The following CLSTN2 variants were observed in gnomAD, a reference collection of about 807,000 sequenced individuals.
The protein encoded by CLSTN2 is calsyntenin 2, also known as calsyntenin-2.
CLSTN2 carries 48 observed loss-of-function variants against 101.2 expected under a neutral mutation model. The observed-to-expected ratio is 0.47, with a 90% CI of 0.38 to 0.60. The LOEUF is 0.60. Ranked by LOEUF, CLSTN2 falls within the 20% of genes least tolerant of loss-of-function variation. CLSTN2 has a pLI of 0.00. For synonymous variants in CLSTN2, 481 were observed against 463.6 expected (o/e 1.04, Z -0.48); for missense variants, 1,160 against 1,238.2 (o/e 0.94, Z 0.95).
intron 2 of CLSTN2, among the ~76,000 whole-genome samples, chr3:140,254,492 GA>G (rs377543419): frequency 1.8e-3 from 279 of 152,278 alleles, no homozygotes; most frequent in African/African-American, 6.6e-3. Flanking sequence ...GAAACTTAGA[GA>G]TTTTTAACAA....
intron 1 of CLSTN2, among the ~76,000 whole-genome samples, chr3:140,123,241 G>A (rs1427253489): frequency 1.3e-5 from 2 of 151,946 alleles, no homozygotes; most frequent in East Asian, 3.9e-4. Context: ...GGGCCCAGTT[G>A]ATTCATTCTA....
intron 2 of CLSTN2, among the ~76,000 whole-genome samples, chr3:140,284,257 T>C (rs1306326828): frequency 2.6e-5 from 4 of 152,124 alleles, no homozygotes; most frequent in African/African-American, 9.7e-5. Context: ...TTTTAAAAAA[T>C]ACAAGAACAA....
chr3:140,251,210 G>A (rs1447292868), intron 2 of CLSTN2, among the ~76,000 whole-genome samples: 1 of 152,156 alleles, frequency 6.6e-6, no homozygotes, highest in Non-Finnish European at 1.5e-5. Flanking sequence ...GATGTTGCCA[G>A]ATAGTGACTT....
At chr3:140,274,894 C>T (rs373626219) in intron 2 of CLSTN2, among the ~76,000 whole-genome samples, 1 of 152,226 alleles carries the variant, frequency 6.6e-6, no homozygotes, top group Admixed American at 6.5e-5. Context: ...ACAGCCACTT[C>T]TGGCGAGCAT....
At chr3:140,115,686 A>G (rs1488799237) in intron 1 of CLSTN2, among the ~76,000 whole-genome samples, 2 of 152,190 alleles carry the variant, frequency 1.3e-5, no homozygotes, top group African/African-American at 4.8e-5. Context: ...GAAAGCACCA[A>G]AGCCATGTCC....
At chr3:140,107,657 T>A (rs1878978) in intron 1 of CLSTN2, among the ~76,000 whole-genome samples, 2 of 151,966 alleles carry the variant, frequency 1.3e-5, no homozygotes, top group Admixed American at 6.5e-5. Context: ...AGTAGCTCCC[T>A]CTTCATGTGC....
At chr3:140,453,822 A>G (rs368436697) in intron 6 of CLSTN2, among the ~76,000 whole-genome samples, 23 of 152,170 alleles carry the variant, frequency 1.5e-4, no homozygotes, top group African/African-American at 5.5e-4. Flanking sequence ...TTATAATGCA[A>G]TTTTTTTTAG....
chr3:139,948,351 G>T (rs920038794), intron 1 of CLSTN2, among the ~76,000 whole-genome samples: 2 of 152,030 alleles, frequency 1.3e-5, no homozygotes, highest in Non-Finnish European at 2.9e-5. Flanking sequence ...TGTAATCCCA[G>T]CTACTCAGGA....
intron 2 of CLSTN2, among the ~76,000 whole-genome samples, chr3:140,313,961 A>G (rs1576511501): frequency 6.6e-6 from 1 of 152,196 alleles, no homozygotes; most frequent in Non-Finnish European, 1.5e-5. Flanking sequence ...TTCCTCTGGT[A>G]GCCACAAGGC....
chr3:140,080,551 C>A (rs2008578757), intron 1 of CLSTN2, among the ~76,000 whole-genome samples: 1 of 152,154 alleles, frequency 6.6e-6, no homozygotes. Flanking sequence ...GCCCTTGAGT[C>A]TCTCTTCATT....
At chr3:140,502,062 G>A (rs1934587230) in intron 8 of CLSTN2, among the ~76,000 whole-genome samples, 1 of 152,158 alleles carries the variant, frequency 6.6e-6, no homozygotes, top group Admixed American at 6.5e-5. Flanking sequence ...GGGAGAATAG[G>A]CAATGCAAAG....
intron 9 of CLSTN2, among the ~76,000 whole-genome samples, chr3:140,546,017 TCAGA>T (rs1402823699): frequency 1.3e-5 from 2 of 152,070 alleles, no homozygotes; most frequent in South Asian, 4.2e-4. Context: ...AGCTTTGAGG[TCAGA>T]CAGACCAGAA....
chr3:140,364,365 G>A (rs749552782), intron 2 of CLSTN2, among the ~76,000 whole-genome samples: 1 of 152,068 alleles, frequency 6.6e-6, no homozygotes, highest in Non-Finnish European at 1.5e-5. Flanking sequence ...CTAAGAACAC[G>A]AGTTTGAGAA....
chr3:139,991,922 G>A (rs1936122011), intron 1 of CLSTN2, among the ~76,000 whole-genome samples: 3 of 152,140 alleles, frequency 2.0e-5, no homozygotes, highest in East Asian at 1.9e-4. Flanking sequence ...TTGATTTTGG[G>A]TCTAATAAGG....
At chr3:140,293,293 G>A (rs529999686) in intron 2 of CLSTN2, among the ~76,000 whole-genome samples, 27 of 152,254 alleles carry the variant, frequency 1.8e-4, no homozygotes, top group African/African-American at 6.3e-4. Flanking sequence ...CAGCACGGAG[G>A]GGCAGTTGGC....
chr3:140,540,530 G>A (rs1181353415), intron 9 of CLSTN2, among the ~76,000 whole-genome samples: 2 of 152,310 alleles, frequency 1.3e-5, no homozygotes, highest in South Asian at 2.1e-4. Flanking sequence ...AGATGGTCTC[G>A]TTATTTGCAT....
chr3:140,280,494 C>A (rs1281325716), intron 2 of CLSTN2, among the ~76,000 whole-genome samples: 2 of 152,174 alleles, frequency 1.3e-5, no homozygotes, highest in African/African-American at 2.4e-5. Context: ...GAGGAGAATT[C>A]TTCACACTTC....
chr3:140,517,962 G>C (rs1055027396), intron 8 of CLSTN2, among the ~76,000 whole-genome samples: 1 of 152,106 alleles, frequency 6.6e-6, no homozygotes, highest in African/African-American at 2.4e-5. Context: ...GGTTAGGTGT[G>C]TCTGAGCGCA....
At chr3:140,259,384 G>A (rs574904887) in intron 2 of CLSTN2, among the ~76,000 whole-genome samples, 2 of 152,154 alleles carry the variant, frequency 1.3e-5, no homozygotes, top group African/African-American at 4.8e-5. Context: ...TAAGGCAGGA[G>A]AATCACTTGA....
Sources: gnomAD v4.1 joint callset for allele counts (sites outside exome capture counted in the v4.1 genomes callset) on GRCh38, gnomAD v4.1.1 for gene constraint, MANE v1.5 for transcripts, NCBI Gene and HGNC (gene_info 2026-07-23, HGNC 2026-07-21) for gene names.